Variants in GRM4 observed in about 807,000 individuals in gnomAD.
The protein encoded by GRM4 is metabotropic glutamate receptor 4.
Under a neutral mutation model 81.7 loss-of-function variants are expected in GRM4, and 28 were observed. That is an observed-to-expected ratio of 0.34 (90% CI 0.25 to 0.47). The LOEUF (loss-of-function observed/expected upper bound fraction) is 0.47. Among genes scored for constraint, GRM4 ranks in the 20% least tolerant of loss-of-function variants. GRM4 has a pLI of 1.00. For missense variants in GRM4, 948 were observed against 1,290.0 expected (o/e 0.73, Z 4.06); for synonymous variants, 488 against 528.8 (o/e 0.92, Z 1.06).
At chr6:34,127,693 TGA>T (rs1770073494) in intron 2 of GRM4, among the ~76,000 whole-genome samples, 1 of 151,952 alleles carries the variant, frequency 6.6e-6, no homozygotes, top group Non-Finnish European at 1.5e-5. Context: ...ATGGAGGCCG[TGA>T]GGAGTTGTCA....
chr6:34,153,068 G>A (rs1334950407), intron 1 of GRM4, among the ~76,000 whole-genome samples: 1 of 152,152 alleles, frequency 6.6e-6, no homozygotes, highest in Non-Finnish European at 1.5e-5. Flanking sequence ...GTCCAGGTGT[G>A]AGCCCCTGCG....
At chr6:34,119,289 G>A (rs187524079) in intron 2 of GRM4, among the ~76,000 whole-genome samples, 10 of 152,316 alleles carry the variant, frequency 6.6e-5, no homozygotes, top group Non-Finnish European at 1.2e-4. Flanking sequence ...CCAGTTACTC[G>A]GGAGGCTAAG....
chr6:34,039,829 C>A (rs1239116262), intron 8 of GRM4, among the ~76,000 whole-genome samples: 1 of 151,954 alleles, frequency 6.6e-6, no homozygotes, highest in African/African-American at 2.4e-5. Context: ...CCCATCACCC[C>A]CCACTTGCCC....
chr6:34,021,678 T>G lies in GRM4; in HGVS notation c.*1143A>C, dbSNP rs1179150997. On this transcript the variant is annotated 3_prime_UTR_variant, in exon 11 of 11. Coordinates refer to ENST00000538487, the MANE Select transcript of GRM4 (RefSeq NM_000841.4). The surrounding 1 kb of genome is among the most constrained non-coding windows in gnomAD (Gnocchi z 5.3). The stretch of plus-strand genomic sequence containing the variant: ...CTTACCTGGGAATCTGGCCCCTCCA[T>G]GCCCAAGGCCTCACCACACCACACT... 6.6e-6 allele frequency: 1 copy of G among 152,416 alleles called. No individual in the cohort carries two copies. Among genetic ancestry groups the G allele is most frequent in the African/African-American group, 2.4e-5 (1 of 41,314 alleles). The allele number at this position is 152,416 out of a possible 1,614,324, so 9.4% of individuals were successfully genotyped here. A position where few individuals can be genotyped will look rare whatever the true frequency, so the allele number is the denominator to read the frequency against.
chr6:34,155,317 C>T, exon 1 of GRM4: 2 of 1,526,554 alleles, frequency 1.3e-6, no homozygotes, highest in Non-Finnish European at 1.8e-6. Context: ...GGGTGCGATG[C>T]AGAGGCGTAG....
At chr6:34,030,726 T>C (rs1764370210) in intron 9 of GRM4, among the ~76,000 whole-genome samples, 1 of 152,348 alleles carries the variant, frequency 6.6e-6, no homozygotes, top group East Asian at 1.9e-4. Context: ...GTTTTCATTT[T>C]GTGCTGGGCG....
intron 2 of GRM4, among the ~76,000 whole-genome samples, chr6:34,122,607 C>T (rs1277211361): frequency 2.8e-5 from 4 of 140,900 alleles, no homozygotes; most frequent in Non-Finnish European, 4.6e-5. Flanking sequence ...GTTCATTCAG[C>T]GGTGGGCGGG....
Position 34,069,107 on chromosome 6 carries a change from T to C in GRM4, c.737-7079A>G, listed in dbSNP as rs1561788261. Among the ~76,000 whole-genome samples, 1 of 149,626 alleles carries C rather than the reference T, an allele frequency of 6.7e-6. No homozygotes were observed. Among genetic ancestry groups the C allele is most frequent in the East Asian group, 2.0e-4 (1 of 5,068 alleles). ...GGAGAGCAGGTCCCCCCGGCTCCCA[T>C]AGGGGAGGACAGAGGGGAGGACAGG... On this transcript the variant is annotated intron_variant, in intron 3 of 10. Coordinates refer to ENST00000538487, the MANE Select transcript of GRM4 (RefSeq NM_000841.4). The surrounding 1 kb of genome is among the most constrained non-coding windows in gnomAD (Gnocchi z 6.4).
At chr6:34,094,546 G>C (rs1768408487) in intron 2 of GRM4, among the ~76,000 whole-genome samples, 1 of 152,200 alleles carries the variant, frequency 6.6e-6, no homozygotes, top group African/African-American at 2.4e-5. Flanking sequence ...GTCATGGCTG[G>C]TTTGTTTTTA....
intron 2 of GRM4, among the ~76,000 whole-genome samples, chr6:34,126,384 C>T (rs1770020695): frequency 6.6e-6 from 1 of 152,180 alleles, no homozygotes; most frequent in African/African-American, 2.4e-5. Context: ...ACCTCAGTCA[C>T]CTCTTAGAGA....
intron 6 of GRM4, among the ~76,000 whole-genome samples, chr6:34,050,224 C>T (rs1467180332): frequency 6.6e-6 from 1 of 152,194 alleles, no homozygotes; most frequent in African/African-American, 2.4e-5. Flanking sequence ...TTTCCTAGGT[C>T]TCCACATGGC....
In GRM4 at chr6:34,065,685, G is replaced by A. The variant is rs544857915; in HGVS notation, c.737-3657C>T. Among the ~76,000 whole-genome samples, 117 of 152,058 alleles carry A rather than the reference G, an allele frequency of 7.7e-4. 1 individual carries two copies. The highest frequency in any genetic ancestry group is 2.6e-3 in the African/African-American group (108 of 41,510). ...TGCCAGCTGCAAGCTCTGCCATCCCGGCCAAGCTGGTGCGTCTGCTCGCCG... is the reference window on the plus strand; with the variant it reads ...TGCCAGCTGCAAGCTCTGCCATCCCAGCCAAGCTGGTGCGTCTGCTCGCCG... On this transcript the variant is annotated intron_variant, in intron 3 of 10. Coordinates refer to ENST00000538487, the MANE Select transcript of GRM4 (RefSeq NM_000841.4).
chr6:34,106,796 C>T lies in GRM4; in HGVS notation c.520-14697G>A, dbSNP rs925423046. ...CAGGACTTAGGACAATGCCTGGCAC[C>T]CACACTGTCATCTTGCAGGTTCTGC... is the stretch of plus-strand genomic sequence containing the variant. On this transcript the variant is annotated intron_variant, in intron 2 of 10. Coordinates refer to ENST00000538487, the MANE Select transcript of GRM4 (RefSeq NM_000841.4). Among the ~76,000 whole-genome samples the T allele has an allele frequency of 3.3e-5, 5 of 152,246 alleles. No homozygotes were observed. The East Asian group carries it at 9.6e-4, about 29-fold the overall frequency.
rs776279517 is a variant in GRM4 at position 34,019,243 on chromosome 6, ACT to A, written c.*3576_*3577del. On this transcript the variant is annotated 3_prime_UTR_variant, in exon 11 of 11. Transcript: ENST00000538487. The stretch of plus-strand genomic sequence containing the variant: ...CCCTCAGAGCCGGAAGGGACCTGAG[ACT>A]CTGCTCCTGAGGTGGGTCTCCCCAG... 8 of 152,032 alleles carry A rather than the reference ACT, an allele frequency of 5.3e-5. No individual in the cohort carries two copies. Among genetic ancestry groups the A allele is most frequent in the Non-Finnish European group, 8.8e-5 (6 of 68,010 alleles). The allele number at this position is 152,032 out of a possible 1,614,324, so 9.4% of individuals were successfully genotyped here. A position where few individuals can be genotyped will look rare whatever the true frequency, so the allele number is the denominator to read the frequency against.
At chr6:34,155,419 CCT>C (rs1771132492) in exon 1 of GRM4, 2 of 1,423,976 alleles carry the variant, frequency 1.4e-6, no homozygotes, top group Middle Eastern at 2.5e-4. Flanking sequence ...TCCTGAGCTC[CCT>C]CTGTGTGACA....
chr6:34,051,915 C>A (rs528190505), intron 6 of GRM4, among the ~76,000 whole-genome samples: 3 of 152,310 alleles, frequency 2.0e-5, no homozygotes, highest in Non-Finnish European at 4.4e-5. Context: ...CTGCCCAAGG[C>A]CACGTGGCTG....
At position 34,133,276 on chromosome 6, in the gene GRM4, T is replaced by C. The variant is rs1414251370; in HGVS notation, c.221A>G (p.Lys74Arg). 1 of 1,614,122 alleles carries C rather than the reference T, an allele frequency of 6.2e-7. No individual in the cohort carries two copies. The highest frequency in any genetic ancestry group is 1.7e-5 in the Admixed American group (1 of 60,032). The stretch of plus-strand genomic sequence containing the variant: ...CATGGCCTCCAGCCGGTGGATGCCC[T>C]TTTCCTTCTTAAGTTCTCCACAGGG... ...GKPCGELKKE[K>R]GIHRLEAMLF... The change falls in exon 2 of 11, where the codon AAG becomes AGG. Residue 74 changes from lysine to arginine, a missense_variant. Lys to Arg is a conservative substitution (Grantham distance 26, BLOSUM62 2). Coordinates refer to ENST00000538487, the MANE Select transcript of GRM4 (RefSeq NM_000841.4). The surrounding 1 kb of genome is among the most constrained non-coding windows in gnomAD (Gnocchi z 6.5).
At chr6:34,058,392 A>G (rs1198218858) in intron 5 of GRM4, among the ~76,000 whole-genome samples, 1 of 152,098 alleles carries the variant, frequency 6.6e-6, no homozygotes, top group Non-Finnish European at 1.5e-5. Flanking sequence ...TCCCAGCTCC[A>G]TTAATGCTGG....
Position 34,040,632 on chromosome 6 carries a change from G to C in GRM4, c.1285C>G (p.Pro429Ala), listed in dbSNP as rs774762185. ...CGCGGGCAGAGCCCCACGCGGCCGGGACACAGGTCACGGTGCATGGCGTGC... is the reference window on the plus strand; with the variant it reads ...CGCGGGCAGAGCCCCACGCGGCCGGCACACAGGTCACGGTGCATGGCGTGC... ...ALHAMHRDLC[P>A]GRVGLCPRMD... The change falls in exon 7 of 11, where the codon CCC becomes GCC. Residue 429 changes from proline to alanine, a missense_variant. Coordinates refer to ENST00000538487, the MANE Select transcript of GRM4 (RefSeq NM_000841.4). The C allele has an allele frequency of 2.2e-5, 35 of 1,614,034 alleles. No individual in the cohort carries two copies. The highest frequency in any genetic ancestry group is 2.5e-5 in the Non-Finnish European group (29 of 1,179,996).
Sources: gnomAD v4.1 joint callset for allele counts (sites outside exome capture counted in the v4.1 genomes callset) on GRCh38, gnomAD v4.1.1 for gene constraint, Gnocchi (gnomAD v3.1) non-coding constraint, MANE v1.5 for transcripts, NCBI Gene and HGNC (gene_info 2026-07-23, HGNC 2026-07-21) for gene names.